Variants in SLBP observed in about 807,000 individuals in gnomAD.
SLBP encodes the protein stem-loop histone mRNA binding protein.
A neutral mutation model predicts 39.2 loss-of-function variants in SLBP; 29 were observed. The observed-to-expected ratio is 0.74, with a 90% CI of 0.55 to 1.01. SLBP has a LOEUF of 1.01. Among genes scored for constraint, SLBP ranks in the 50% least tolerant of loss-of-function variants. The probability of loss-of-function intolerance (pLI) is 0.00; values close to 1 mark genes in which losing one functional copy is unlikely to be tolerated. For missense variants in SLBP, 390 were observed against 350.2 expected (o/e 1.11, Z -0.91); for synonymous variants, 129 against 118.7 (o/e 1.09, Z -0.57).
At chr4:1,709,551 C>T (rs910164615) in intron 2 of SLBP, among the ~76,000 whole-genome samples, 1 of 152,190 alleles carries the variant, frequency 6.6e-6, no homozygotes, top group African/African-American at 2.4e-5. Context: ...TTCATTGAAA[C>T]CGCTATAATT....
At chr4:1,711,251 A>C (rs796556954) in intron 2 of SLBP, among the ~76,000 whole-genome samples, 1 of 149,242 alleles carries the variant, frequency 6.7e-6, no homozygotes, top group African/African-American at 2.5e-5. Flanking sequence ...ATTTCCCTCC[A>C]CCTTCACTGC....
At chr4:1,703,932 C>A (rs1716424728) in intron 2 of SLBP, among the ~76,000 whole-genome samples, 1 of 152,076 alleles carries the variant, frequency 6.6e-6, no homozygotes, top group Non-Finnish European at 1.5e-5. Flanking sequence ...AGCATTATAT[C>A]AGTGAACTAT....
chr4:1,701,390 G>A (rs1270698988), intron 3 of SLBP, among the ~76,000 whole-genome samples: 17 of 152,066 alleles, frequency 1.1e-4, no homozygotes, highest in Admixed American at 2.6e-4. Context: ...CAGGTGATCC[G>A]CCCGCCTTGG....
chr4:1,694,669 G>A, intron 7 of SLBP, 105 bp downstream of exon 7: 3 of 823,720 alleles, frequency 3.6e-6, no homozygotes, highest in Non-Finnish European at 6.4e-6. Flanking sequence ...GGGATTACAG[G>A]CGTGAGCCAC....
At chr4:1,698,856 T>C (rs565870312) in intron 5 of SLBP, among the ~76,000 whole-genome samples, 3 of 152,102 alleles carry the variant, frequency 2.0e-5, no homozygotes, top group East Asian at 3.9e-4. Flanking sequence ...AGTGGTGTGA[T>C]TAATGGTTCA....
intron 2 of SLBP, among the ~76,000 whole-genome samples, chr4:1,709,697 C>T (rs1182317485): frequency 2.0e-5 from 3 of 151,966 alleles, no homozygotes; most frequent in Non-Finnish European, 2.9e-5. Flanking sequence ...TCGCAAGCTC[C>T]GCCTCCCGGG....
At position 1,692,901 on chromosome 4, in the gene SLBP, C is replaced by T. The variant is rs1166463091; in HGVS notation, c.*696G>A. On this transcript the variant is annotated 3_prime_UTR_variant, in exon 8 of 8. Transcript: ENST00000489418. The stretch of plus-strand genomic sequence containing the variant: ...ACAATTGAATATTTGAACAGAAAAT[C>T]TGTACACATTATCATTTACAGCAAT... 6.6e-6 allele frequency: 1 copy of T among 152,618 alleles called. No homozygotes were observed. Among genetic ancestry groups the T allele is most frequent in the Non-Finnish European group, 1.5e-5 (1 of 68,028 alleles). 9.5% of individuals were successfully genotyped at this position (152,618 alleles called of 1,614,324 possible). A position where few individuals can be genotyped will look rare whatever the true frequency, so the allele number is the denominator to read the frequency against.
rs115022083 is a variant in SLBP at position 1,705,374 on chromosome 4, T to C, written c.177-1674A>G. Among the ~76,000 whole-genome samples the C allele has an allele frequency of 5.3e-3, 806 of 152,328 alleles. 3 individuals are homozygous for C. The highest frequency in any genetic ancestry group is 0.018 in the African/African-American group (764 of 41,562). ...AATGGTATTCTATTGGCAAGGCTTA[T>C]TAACAAACTTCTGATAATGAAGCAG... is the stretch of plus-strand genomic sequence containing the variant. On this transcript the variant is annotated intron_variant, in intron 2 of 7. Coordinates refer to ENST00000489418, the MANE Select transcript of SLBP (RefSeq NM_006527.4).
chr4:1,712,219 C>A lies in SLBP; in HGVS notation c.-31G>T. The A allele has an allele frequency of 8.0e-7, 1 of 1,252,278 alleles. No homozygotes were observed. Among genetic ancestry groups the A allele is most frequent in the South Asian group, 2.4e-5 (1 of 42,146 alleles). The allele number at this position is 1,252,278 out of a possible 1,614,324, so 77.6% of individuals were successfully genotyped here. A position where few individuals can be genotyped will look rare whatever the true frequency, so the allele number is the denominator to read the frequency against. On this transcript the variant is annotated 5_prime_UTR_variant, in exon 1 of 8. Transcript: ENST00000489418. ...CACGGGCCGGGCGCGCAGCGCAGGGCCGAGGCTGAGGCGGCGGCGGCGCGG... is the reference window on the plus strand; with the variant it reads ...CACGGGCCGGGCGCGCAGCGCAGGGACGAGGCTGAGGCGGCGGCGGCGCGG...
intron 5 of SLBP, among the ~76,000 whole-genome samples, chr4:1,698,228 C>T (rs1342897232): frequency 6.6e-6 from 1 of 151,480 alleles, no homozygotes; most frequent in African/African-American, 2.4e-5. Context: ...AGTGTGGTGG[C>T]AGGCGCCTGT....
chr4:1,711,409 T>G (rs1205199586), intron 2 of SLBP, among the ~76,000 whole-genome samples: 1 of 152,010 alleles, frequency 6.6e-6, no homozygotes, highest in African/African-American at 2.4e-5. Flanking sequence ...GCACCCCTGC[T>G]TATTTCCTCC....
At chr4:1,707,459 G>A (rs1248446554) in intron 2 of SLBP, among the ~76,000 whole-genome samples, 1 of 149,852 alleles carries the variant, frequency 6.7e-6, no homozygotes, top group Non-Finnish European at 1.5e-5. Context: ...TCCAGCCTGG[G>A]CAACAGAACG....
In SLBP at chr4:1,711,912, C is replaced by T. The variant is rs1716791345; in HGVS notation, c.138G>A (p.Glu46=). ...DGRRWRPEDA[E]EAEHRGAERR... is the part of the protein sequence containing the mutation. Reference sequence around the variant, plus strand: ...GCTCGGCGCCGCGGTGCTCTGCCTCCTCGGCGTCTTCGGGCCTCCAGCGCC... The same window carrying T: ...GCTCGGCGCCGCGGTGCTCTGCCTCTTCGGCGTCTTCGGGCCTCCAGCGCC... Residue 46 remains glutamate (E), a synonymous_variant, in exon 2 of 8, where the codon GAG becomes GAA. Coordinates refer to ENST00000489418, the MANE Select transcript of SLBP (RefSeq NM_006527.4). 1.5e-6 allele frequency: 2 copies of T among 1,367,092 alleles called. No homozygotes were observed. Among genetic ancestry groups the T allele is most frequent in the East Asian group, 6.2e-5 (2 of 32,498 alleles). The allele number at this position is 1,367,092 out of a possible 1,614,324, so 84.7% of individuals were successfully genotyped here. A position where few individuals can be genotyped will look rare whatever the true frequency, so the allele number is the denominator to read the frequency against.
At chr4:1,699,961 C>T in intron 4 of SLBP, 50 bp downstream of exon 4, 1 of 1,306,790 alleles carries the variant, frequency 7.7e-7, no homozygotes, top group Non-Finnish European at 1.1e-6. Flanking sequence ...TTTTTTTTAA[C>T]AAATTACAGG....
chr4:1,709,117 G>A (rs1716633535), intron 2 of SLBP, among the ~76,000 whole-genome samples: 2 of 151,756 alleles, frequency 1.3e-5, no homozygotes, highest in South Asian at 4.1e-4. Flanking sequence ...AGGCTGGAAG[G>A]CAATGGCGTG....
intron 2 of SLBP, among the ~76,000 whole-genome samples, chr4:1,709,555 T>G (rs1716652482): frequency 6.6e-6 from 1 of 152,034 alleles, no homozygotes; most frequent in African/African-American, 2.4e-5. Flanking sequence ...TTGAAACCGC[T>G]ATAATTACGC....
chr4:1,704,526 G>C lies in SLBP; in HGVS notation c.177-826C>G, dbSNP rs142216344. ...GCCTTTCATAAAACCGACCACCAAA[G>C]AATTCCATTATTCTAACAAAGCCCG... On this transcript the variant is annotated intron_variant, in intron 2 of 7. Transcript: ENST00000489418. Among the ~76,000 whole-genome samples, 1,004 of 152,210 alleles carry C rather than the reference G, an allele frequency of 6.6e-3. 10 individuals are homozygous for C. The highest frequency in any genetic ancestry group is 9.9e-3 in the Non-Finnish European group (671 of 68,030).
Position 1,693,711 on chromosome 4 carries a change from A to G in SLBP, c.699T>C (p.Asp233=). ...CCTTGGTGGGTGTGCCAGAGTACAC[A>G]TCCTGGAAAACAGAAGCATGGCTCG... ...EPQTSSQDDF[D]VYSGTPTKVR... Residue 233 remains aspartate, a splice_region_variant and synonymous_variant, in exon 8 of 8, where the codon GAT becomes GAC. Transcript: ENST00000489418. 2 of 1,600,674 alleles carry G rather than the reference A, an allele frequency of 1.2e-6. No individual in the cohort carries two copies. Among genetic ancestry groups the G allele is most frequent in the Admixed American group, 3.3e-5 (2 of 59,970 alleles).
chr4:1,699,837 C>T (rs1305694681), intron 4 of SLBP, 136 bp from the exon 5 acceptor site: 3 of 885,032 alleles, frequency 3.4e-6, no homozygotes, highest in African/African-American at 1.7e-5. Context: ...CTAAATAGTC[C>T]GGAGACTGCA....
Sources: gnomAD v4.1 joint callset for allele counts (sites outside exome capture counted in the v4.1 genomes callset) on GRCh38, gnomAD v4.1.1 for gene constraint, MANE v1.5 for transcripts, NCBI Gene and HGNC (gene_info 2026-07-23, HGNC 2026-07-21) for gene names.